Variants in STPG2 observed in about 807,000 individuals in gnomAD.
The protein encoded by STPG2 is sperm tail PG-rich repeat containing 2, also known as sperm-tail PG-rich repeat-containing protein 2.
Under a neutral mutation model 54.2 loss-of-function variants are expected in STPG2, and 56 were observed. The ratio of observed to expected loss-of-function variants is 1.03; its 90% CI spans 0.83 to 1.29. The LOEUF (loss-of-function observed/expected upper bound fraction) is 1.29, where lower values mean the gene tolerates loss of function less well. Among genes scored for constraint, STPG2 ranks in the 50% most tolerant of loss-of-function variants. The pLI is 0.00. For synonymous variants in STPG2, 200 were observed against 181.8 expected (o/e 1.10, Z -0.81); for missense variants, 596 against 544.9 (o/e 1.09, Z -0.93).
chr4:98,031,948 C>T (rs1736613199), intron 5 of STPG2, among the ~76,000 whole-genome samples: 1 of 151,808 alleles, frequency 6.6e-6, no homozygotes, highest in African/African-American at 2.4e-5. Context: ...TACAAATGGC[C>T]AACAAACATG....
intron 8 of STPG2, among the ~76,000 whole-genome samples, chr4:97,874,201 A>C (rs1331403821): frequency 6.6e-6 from 1 of 151,670 alleles, no homozygotes; most frequent in African/African-American, 2.4e-5. Flanking sequence ...TTAAAACTCC[A>C]CTGGAAACTT....
chr4:97,670,856 T>G (rs553652496), intron 10 of STPG2, among the ~76,000 whole-genome samples: 41 of 152,042 alleles, frequency 2.7e-4, no homozygotes, highest in Non-Finnish European at 2.9e-4. Context: ...TCACAACAGG[T>G]CCCATGTCAT....
chr4:97,784,619 A>C (rs1726765780), intron 9 of STPG2, among the ~76,000 whole-genome samples: 1 of 152,062 alleles, frequency 6.6e-6, no homozygotes, highest in Non-Finnish European at 1.5e-5. Flanking sequence ...TTCTATATTG[A>C]ATCAGTAGGA....
downstream of STPG2, among the ~76,000 whole-genome samples, chr4:97,556,238 G>A (rs527755050): frequency 6.6e-6 from 1 of 152,268 alleles, no homozygotes; most frequent in East Asian, 1.9e-4. Context: ...AAGCAAGAAA[G>A]TGGTCATTAG....
chr4:97,607,050 T>C (rs781567761), intron 10 of STPG2, among the ~76,000 whole-genome samples: 3 of 152,154 alleles, frequency 2.0e-5, no homozygotes, highest in Non-Finnish European at 4.4e-5. Context: ...TGGTTTTCCT[T>C]CAAACAGAAA....
At chr4:97,568,987 C>T (rs1309910316) in intron 10 of STPG2, among the ~76,000 whole-genome samples, 1 of 151,300 alleles carries the variant, frequency 6.6e-6, no homozygotes, top group African/African-American at 2.4e-5. Flanking sequence ...TCTTGGGCAT[C>T]GTGCAAGAAA....
intron 5 of STPG2, among the ~76,000 whole-genome samples, chr4:97,983,900 T>C (rs1170879076): frequency 6.6e-6 from 1 of 152,190 alleles, no homozygotes; most frequent in African/African-American, 2.4e-5. Context: ...TATATGCATA[T>C]ATTCATACAT....
At chr4:97,594,542 G>A (rs775056676) in intron 10 of STPG2, among the ~76,000 whole-genome samples, 4 of 152,146 alleles carry the variant, frequency 2.6e-5, no homozygotes, top group Non-Finnish European at 5.9e-5. Context: ...CTGGAAGAGA[G>A]GGAGAGAAAT....
chr4:97,624,368 T>C (rs1734087010), intron 10 of STPG2, among the ~76,000 whole-genome samples: 1 of 152,226 alleles, frequency 6.6e-6, no homozygotes, highest in Non-Finnish European at 1.5e-5. Context: ...ATTTCTCTAA[T>C]GATCACTGAT....
chr4:98,108,375 A>G (rs1739246838), intron 4 of STPG2, among the ~76,000 whole-genome samples: 2 of 152,160 alleles, frequency 1.3e-5, no homozygotes, highest in African/African-American at 4.8e-5. Context: ...TTCTGAGGAC[A>G]ACGTGGTATT....
chr4:97,986,568 C>T (rs1057298867), intron 5 of STPG2, among the ~76,000 whole-genome samples: 1 of 152,170 alleles, frequency 6.6e-6, no homozygotes, highest in Admixed American at 6.5e-5. Context: ...TCCACACATT[C>T]ATTGGCAAAG....
chr4:98,014,342 T>C (rs1735857619), intron 5 of STPG2, among the ~76,000 whole-genome samples: 1 of 152,116 alleles, frequency 6.6e-6, no homozygotes, highest in Admixed American at 6.6e-5. Context: ...AGACTATTAT[T>C]ATCAGTCCTG....
intron 9 of STPG2, among the ~76,000 whole-genome samples, chr4:97,717,807 G>A (rs185143396): frequency 3.9e-5 from 6 of 152,238 alleles, no homozygotes; most frequent in Admixed American, 3.9e-4. Context: ...ACCACTTTGA[G>A]TAGGCAGTAC....
intron 10 of STPG2, among the ~76,000 whole-genome samples, chr4:97,694,713 T>C (rs1486145589): frequency 6.9e-6 from 1 of 145,004 alleles, no homozygotes; most frequent in Non-Finnish European, 1.5e-5. Flanking sequence ...CTCAGGAGGC[T>C]GAGGCAGGAG....
intron 10 of STPG2, among the ~76,000 whole-genome samples, chr4:97,672,358 A>G (rs1375577755): frequency 6.7e-6 from 1 of 149,700 alleles, no homozygotes; most frequent in East Asian, 2.0e-4. Context: ...AATTTTTTTT[A>G]GTAGAGACAG....
At chr4:97,488,916 TAGAC>T (rs766572943) in intron 4 of STPG2, among the ~76,000 whole-genome samples, 34 of 151,658 alleles carry the variant, frequency 2.2e-4, no homozygotes, top group Non-Finnish European at 4.3e-4. Context: ...GACAAATAGA[TAGAC>T]AGATAGATGG....
chr4:97,485,768 C>T (rs939447887), intron 4 of STPG2, among the ~76,000 whole-genome samples: 1 of 151,826 alleles, frequency 6.6e-6, no homozygotes, highest in African/African-American at 2.4e-5. Flanking sequence ...AACCTGGAGG[C>T]ATCACACTAC....
chr4:97,794,606 C>A (rs1727107914), intron 9 of STPG2, among the ~76,000 whole-genome samples: 1 of 152,060 alleles, frequency 6.6e-6, no homozygotes, highest in Non-Finnish European at 1.5e-5. Flanking sequence ...TATGAAACTA[C>A]CATACCATAG....
At chr4:98,098,970 G>T (rs1344548157) in intron 5 of STPG2, among the ~76,000 whole-genome samples, 1 of 151,970 alleles carries the variant, frequency 6.6e-6, no homozygotes, top group African/African-American at 2.4e-5. Flanking sequence ...AAATGCTGGT[G>T]GCAATGTGGA....
Sources: gnomAD v4.1 joint callset for allele counts (sites outside exome capture counted in the v4.1 genomes callset) on GRCh38, gnomAD v4.1.1 for gene constraint, MANE v1.5 for transcripts, NCBI Gene and HGNC (gene_info 2026-07-23, HGNC 2026-07-21) for gene names.